The following SAMD5 variants were observed in gnomAD, a reference collection of about 807,000 sequenced individuals.
SAMD5 encodes the protein sterile alpha motif domain containing 5.
In SAMD5, 13 loss-of-function variants were observed where a neutral mutation model predicts 11.3. That is an observed-to-expected ratio of 1.15 (90% CI 0.75 to 1.83). The LOEUF (loss-of-function observed/expected upper bound fraction) is 1.83, where lower values mean the gene tolerates loss of function less well. Ranked by LOEUF, SAMD5 falls within the 40% of genes most tolerant of loss-of-function variation. The pLI is 0.00. For synonymous variants in SAMD5, 129 were observed against 111.3 expected (o/e 1.16, Z -1.00); for missense variants, 255 against 239.1 (o/e 1.07, Z -0.44).
chr6:147,515,176 G>GTTTTTTTTTTTTTTT (rs71031029), intron 1 of SAMD5, among the ~76,000 whole-genome samples: 1 of 75,036 alleles, frequency 1.3e-5, no homozygotes, highest in Non-Finnish European at 2.5e-5. Flanking sequence ...ATCCTTCCAG[G>GTTTTTTTTTTTTTTT]TTTTTTTTTT....
At chr6:147,603,483 G>A (rs1352612150) in intron 1 of SAMD5, among the ~76,000 whole-genome samples, 3 of 152,098 alleles carry the variant, frequency 2.0e-5, no homozygotes, top group Non-Finnish European at 4.4e-5. Context: ...AGGGATCAGT[G>A]CTTCAAATTT....
At chr6:147,658,184 T>C (rs1790597336) in intron 1 of SAMD5, among the ~76,000 whole-genome samples, 1 of 152,164 alleles carries the variant, frequency 6.6e-6, no homozygotes, top group South Asian at 2.1e-4. Flanking sequence ...TTCAGAAGCC[T>C]CTCCAGTGTC....
intron 1 of SAMD5, among the ~76,000 whole-genome samples, chr6:147,666,806 T>TG (rs1790728911): frequency 6.6e-6 from 1 of 151,984 alleles, no homozygotes; most frequent in African/African-American, 2.4e-5. Flanking sequence ...CAAATAAGAG[T>TG]GGGACATTTA....
chr6:147,648,542 T>A (rs946942422), intron 1 of SAMD5, among the ~76,000 whole-genome samples: 3 of 152,132 alleles, frequency 2.0e-5, no homozygotes, highest in African/African-American at 7.2e-5. Context: ...CTGACAAGGG[T>A]CCACCCCCAC....
chr6:147,570,093 T>G (rs932602585), downstream of SAMD5: 2 of 791,940 alleles, frequency 2.5e-6, no homozygotes, highest in Non-Finnish European at 3.1e-6. Flanking sequence ...TTGTTTAAAT[T>G]GACAATATGT....
chr6:147,861,457 C>T, the SAMD5 span, among the ~76,000 whole-genome samples: 16 of 152,126 alleles, frequency 1.1e-4, no homozygotes, highest in Admixed American at 3.9e-4. Context: ...TGAGCCACCA[C>T]GCCCAACCCA....
rs1187718649 is a variant in SAMD5 at position 147,540,933 on chromosome 6, GTTTTTTT to G, written c.460-23440_460-23434del. Reference sequence around the variant, plus strand: ...CATAGCTGTGGGGTTCAAGCCACGCGTTTTTTTTTTTTTTTTTTTTTTTTTTTGAGAA... The same window carrying G: ...CATAGCTGTGGGGTTCAAGCCACGCGTTTTTTTTTTTTTTTTTTTTGAGAA... On this transcript the variant is annotated intron_variant, in intron 1 of 1. Coordinates refer to ENST00000367474, the MANE Select transcript of SAMD5 (RefSeq NM_001030060.3). Among the ~76,000 whole-genome samples the G allele has an allele frequency of 4.2e-4, 27 of 64,180 alleles. 1 individual carries two copies. The highest frequency in any genetic ancestry group is 1.1e-3 in the African/African-American group (20 of 18,642). The allele number at this position is 64,180 out of a possible 152,430, so 42.1% of individuals were successfully genotyped here. A position where few individuals can be genotyped will look rare whatever the true frequency, so the allele number is the denominator to read the frequency against.
chr6:147,788,099 A>G, the SAMD5 span, among the ~76,000 whole-genome samples: 2 of 152,208 alleles, frequency 1.3e-5, no homozygotes, highest in East Asian at 3.8e-4. Flanking sequence ...TTGGAGTTGC[A>G]TGGGTGGGTT....
intron 1 of SAMD5, among the ~76,000 whole-genome samples, chr6:147,701,029 T>C (rs1045044061): frequency 6.6e-6 from 1 of 152,212 alleles, no homozygotes; most frequent in African/African-American, 2.4e-5. Flanking sequence ...CATATTCAGC[T>C]AAACAAATGA....
intron 1 of SAMD5, among the ~76,000 whole-genome samples, chr6:147,512,968 C>T (rs548683511): frequency 3.9e-5 from 6 of 152,300 alleles, no homozygotes; most frequent in Admixed American, 3.3e-4. Flanking sequence ...GGCCTATGAC[C>T]TGAGTACTGA....
At chr6:147,748,374 C>G in the SAMD5 span, among the ~76,000 whole-genome samples, 1 of 152,184 alleles carries the variant, frequency 6.6e-6, no homozygotes, top group African/African-American at 2.4e-5. Flanking sequence ...AAACTCTGTG[C>G]CTTAGTCTCC....
At chr6:147,706,505 G>A (rs923576436) in intron 1 of SAMD5, among the ~76,000 whole-genome samples, 24 of 152,318 alleles carry the variant, frequency 1.6e-4, no homozygotes, top group Non-Finnish European at 3.1e-4. Flanking sequence ...TGGGACTACA[G>A]GCGTGAGCCA....
At chr6:147,918,688 C>CTT in the SAMD5 span, among the ~76,000 whole-genome samples, 70 of 99,448 alleles carry the variant, frequency 7.0e-4, 3 homozygotes, top group Non-Finnish European at 1.0e-3. Context: ...CACAAGCATT[C>CTT]TTTTTTTTTT....
the SAMD5 span, among the ~76,000 whole-genome samples, chr6:147,798,195 G>A: frequency 1.3e-5 from 2 of 148,444 alleles, no homozygotes; most frequent in South Asian, 2.2e-4. Context: ...GCTTTCTCTT[G>A]TGGGCATTTA....
the SAMD5 span, among the ~76,000 whole-genome samples, chr6:147,896,504 G>T: frequency 2.1e-4 from 32 of 151,938 alleles, no homozygotes; most frequent in African/African-American, 7.3e-4. Context: ...TTAGGGAGCC[G>T]GAGTCTCTGC....
At chr6:147,746,142 A>G in the SAMD5 span, among the ~76,000 whole-genome samples, 5 of 152,214 alleles carry the variant, frequency 3.3e-5, no homozygotes, top group African/African-American at 9.6e-5. Flanking sequence ...GTTTGAAGAC[A>G]GAGACCCTTG....
At chr6:147,709,530 G>T (rs1025008462) in intron 1 of SAMD5, among the ~76,000 whole-genome samples, 1 of 152,168 alleles carries the variant, frequency 6.6e-6, no homozygotes, top group Non-Finnish European at 1.5e-5. Flanking sequence ...ATTCTGTAAA[G>T]AGTGCTCTCC....
intron 1 of SAMD5, among the ~76,000 whole-genome samples, chr6:147,526,406 C>T (rs1315382485): frequency 6.6e-6 from 1 of 152,162 alleles, no homozygotes; most frequent in South Asian, 2.1e-4. Flanking sequence ...GAAAGATAAA[C>T]ACACACACAT....
At chr6:147,571,981 AC>A (rs145425042), downstream of SAMD5, among the ~76,000 whole-genome samples, 9,235 of 147,356 alleles carry the variant, frequency 0.063, 402 homozygotes, top group African/African-American at 0.14. Flanking sequence ...AGTAATTTCA[AC>A]TTTTTTTTTT....
Sources: gnomAD v4.1 joint callset for allele counts (sites outside exome capture counted in the v4.1 genomes callset) on GRCh38, gnomAD v4.1.1 for gene constraint, MANE v1.5 for transcripts, NCBI Gene and HGNC (gene_info 2026-07-23, HGNC 2026-07-21) for gene names.